The following LVRN variants were observed in gnomAD, a reference collection of about 807,000 sequenced individuals.
LVRN encodes the protein aminopeptidase Q.
Under a neutral mutation model 111.4 loss-of-function variants are expected in LVRN, and 99 were observed. The observed-to-expected ratio is 0.89, with a 90% CI of 0.76 to 1.05. The LOEUF (loss-of-function observed/expected upper bound fraction) is 1.05. Among genes scored for constraint, LVRN ranks in the 50% least tolerant of loss-of-function variants. The pLI is 0.00. For missense variants in LVRN, 1,414 were observed against 1,206.8 expected (o/e 1.17, Z -2.54); for synonymous variants, 488 against 449.5 (o/e 1.09, Z -1.08).
chr5:115,970,384 C>CTTTTT (rs3984987), intron 1 of LVRN, among the ~76,000 whole-genome samples: 6 of 133,846 alleles, frequency 4.5e-5, no homozygotes, highest in African/African-American at 1.4e-4. Context: ...GAAATACATT[C>CTTTTT]TTTTTTTTTT....
intron 13 of LVRN, among the ~76,000 whole-genome samples, chr5:116,007,521 C>A (rs557984813): frequency 2.6e-5 from 4 of 152,186 alleles, no homozygotes; most frequent in Non-Finnish European, 5.9e-5. Flanking sequence ...TTATCCCTGA[C>A]TTTTATATGT....
At chr5:116,004,185 G>T (rs1487987506) in intron 12 of LVRN, among the ~76,000 whole-genome samples, 6 of 152,200 alleles carry the variant, frequency 3.9e-5, no homozygotes, top group African/African-American at 1.4e-4. Flanking sequence ...GAAGAGAGAA[G>T]TTAATTCACA....
chr5:116,025,810 C>G (rs1748852248), intron 19 of LVRN, among the ~76,000 whole-genome samples, 168 bp from the exon 20 acceptor site: 1 of 152,226 alleles, frequency 6.6e-6, no homozygotes, highest in Non-Finnish European at 1.5e-5. Flanking sequence ...ATCACATTGT[C>G]TCAGTCACAG....
chr5:115,984,757 A>C, intron 3 of LVRN, 48 bp downstream of exon 3: 1 of 1,605,476 alleles, frequency 6.2e-7, no homozygotes, highest in Non-Finnish European at 8.5e-7. Context: ...CTGGCTGCAG[A>C]TTATTCATCT....
At chr5:115,966,651 A>T (rs1753209326) in intron 1 of LVRN, among the ~76,000 whole-genome samples, 3 of 152,190 alleles carry the variant, frequency 2.0e-5, no homozygotes. Flanking sequence ...TATTTATTTC[A>T]CTGGGACAAA....
chr5:116,000,379 C>A, intron 7 of LVRN, 54 bp from the exon 8 acceptor site: 1 of 1,577,586 alleles, frequency 6.3e-7, no homozygotes, highest in South Asian at 1.1e-5. Context: ...TGGAATGTGT[C>A]AGTATGTGGA....
intron 1 of LVRN, among the ~76,000 whole-genome samples, chr5:115,963,820 G>C (rs953998395): frequency 2.2e-4 from 34 of 152,164 alleles, no homozygotes; most frequent in Admixed American, 2.2e-3. Flanking sequence ...TTTCAACCCT[G>C]TATCTGCTCA....
intron 3 of LVRN, among the ~76,000 whole-genome samples, chr5:115,986,159 G>C (rs1000781669): frequency 6.6e-6 from 1 of 152,220 alleles, no homozygotes; most frequent in Non-Finnish European, 1.5e-5. Context: ...TTCCTAGGCT[G>C]TTGGCTCCAG....
At chr5:115,966,773 T>C (rs898938136) in intron 1 of LVRN, among the ~76,000 whole-genome samples, 10 of 152,390 alleles carry the variant, frequency 6.6e-5, no homozygotes, top group Middle Eastern at 6.8e-3. Context: ...ACCAGCAATA[T>C]ATGAGTGATA....
chr5:116,004,723 G>C (rs188453415), intron 12 of LVRN, among the ~76,000 whole-genome samples: 2 of 152,274 alleles, frequency 1.3e-5, no homozygotes, highest in African/African-American at 2.4e-5. Context: ...AAAGTCTAGA[G>C]AAGGCATCCT....
In LVRN at chr5:115,993,800, T is replaced by C. The variant is rs1748047505; in HGVS notation, c.1320T>C (p.Phe440=). The change falls in exon 6 of 20, where the codon TTT becomes TTC. Residue 440 remains phenylalanine (F), a synonymous_variant. Coordinates refer to ENST00000357872, the MANE Select transcript of LVRN (RefSeq NM_173800.5). ...ACAATATCTGGCTCAACGAGGGTTT[T>C]GCATCTTATTTTGAGTTTGAAGTAA... ...WWNNIWLNEG[F]ASYFEFEVIN... is the part of the protein sequence containing the mutation. 6.2e-7 allele frequency: 1 copy of C among 1,611,046 alleles called. No homozygotes were observed. Among genetic ancestry groups the C allele is most frequent in the Admixed American group, 1.7e-5 (1 of 59,502 alleles).
intron 6 of LVRN, 150 bp downstream of exon 6, chr5:115,994,004 A>AT (rs556288979): frequency 3.8e-4 from 180 of 478,398 alleles, no homozygotes; most frequent in Middle Eastern, 1.1e-3. Flanking sequence ...GCTTTTTGAT[A>AT]TTTTTTTTTA....
At chr5:116,011,627 C>G (rs762666045) in intron 14 of LVRN, among the ~76,000 whole-genome samples, 13 of 152,202 alleles carry the variant, frequency 8.5e-5, no homozygotes, top group Middle Eastern at 3.4e-3. Context: ...ATACGTCTAA[C>G]GGCCCCAGAC....
At chr5:115,991,875 T>C (rs936490508) in intron 4 of LVRN, among the ~76,000 whole-genome samples, 9 of 152,210 alleles carry the variant, frequency 5.9e-5, no homozygotes, top group African/African-American at 2.2e-4. Flanking sequence ...TACTGCTAAG[T>C]TGTAAGCATT....
intron 15 of LVRN, among the ~76,000 whole-genome samples, chr5:116,013,564 G>T (rs537426968): frequency 2.0e-5 from 3 of 152,276 alleles, no homozygotes; most frequent in Admixed American, 1.3e-4. Context: ...AGGAGAGGGG[G>T]TGAGTAGAGT....
Position 115,992,315 on chromosome 5 carries a change from T to C in LVRN, c.1260+38T>C, listed in dbSNP as rs757717231. ...ATGTTCTTTTTATTTCACTTGAAGT[T>C]ATTCTCCAGGTGCGCTACCAAAATA... On this transcript the variant is annotated intron_variant, in intron 5 of 19. Coordinates refer to ENST00000357872, the MANE Select transcript of LVRN (RefSeq NM_173800.5). 6 of 1,610,950 alleles carry C rather than the reference T, an allele frequency of 3.7e-6. No homozygotes were observed. In the East Asian group the frequency reaches 1.3e-4, roughly 36 times the overall value.
intron 13 of LVRN, among the ~76,000 whole-genome samples, chr5:116,007,199 A>G (rs1748393236): frequency 1.3e-5 from 2 of 152,186 alleles, no homozygotes; most frequent in African/African-American, 4.8e-5. Flanking sequence ...TAAAATTGTT[A>G]GACATCAATT....
chr5:115,992,222 TGACA>T lies in LVRN; in HGVS notation c.1208_1211del (p.Thr403LysfsTer5). 6.2e-7 allele frequency: 1 copy of T among 1,613,944 alleles called. No homozygotes were observed. Among genetic ancestry groups the T allele is most frequent in the Non-Finnish European group, 8.5e-7 (1 of 1,179,874 alleles). On this transcript the variant is annotated frameshift_variant, in exon 5 of 20. Coordinates refer to ENST00000357872, the MANE Select transcript of LVRN (RefSeq NM_173800.5). LOFTEE classifies it high-confidence loss of function. ...TTGTTGTTGGAACCAAAAGATCAACTGACAGAAAAAAAGACTCTGATCTCCTATG... is the reference window on the plus strand; with the variant it reads ...TTGTTGTTGGAACCAAAAGATCAACTGAAAAAAAGACTCTGATCTCCTATG...
At chr5:115,988,140 G>A (rs1747911504) in intron 4 of LVRN, among the ~76,000 whole-genome samples, 1 of 152,124 alleles carries the variant, frequency 6.6e-6, no homozygotes, top group South Asian at 2.1e-4. Flanking sequence ...AGAGCCATGT[G>A]CTCAGCAGCT....
Sources: gnomAD v4.1 joint callset for allele counts (sites outside exome capture counted in the v4.1 genomes callset) on GRCh38, gnomAD v4.1.1 for gene constraint, MANE v1.5 for transcripts, NCBI Gene and HGNC (gene_info 2026-07-23, HGNC 2026-07-21) for gene names.